RORA: variants seen among roughly 807,000 people sequenced by gnomAD.
RORA encodes the protein nuclear receptor ROR-alpha.
Under a neutral mutation model 69.5 loss-of-function variants are expected in RORA, and 7 were observed. The observed-to-expected ratio is 0.10, with a 90% confidence interval of 0.06 to 0.19. The LOEUF (loss-of-function observed/expected upper bound fraction) is 0.19. Ranked by LOEUF, RORA falls within the 10% of genes least tolerant of loss-of-function variation. RORA has a pLI of 1.00. For synonymous variants in RORA, 261 were observed against 240.8 expected, an observed-to-expected ratio of 1.08 and a Z score of -0.78; for missense variants, 457 against 663.0, an observed-to-expected ratio of 0.69 and a Z score of 3.41.
intron 1 of RORA, among the ~76,000 whole-genome samples, chr15:60,779,098 T>A (rs1567187849): frequency 6.6e-6 from 1 of 152,170 alleles, no homozygotes; most frequent in Non-Finnish European, 1.5e-5. Flanking sequence ...GTAGCGAGCA[T>A]AAATAACTCG....
At chr15:61,209,293 T>C (rs1250761025) in intron 1 of RORA, among the ~76,000 whole-genome samples, 1 of 151,590 alleles carries the variant, frequency 6.6e-6, no homozygotes. Context: ...ATTCACACAC[T>C]CTAATTTAAA....
At chr15:60,700,945 G>T (rs546496148) in intron 1 of RORA, among the ~76,000 whole-genome samples, 4 of 152,288 alleles carry the variant, frequency 2.6e-5, no homozygotes, top group African/African-American at 9.6e-5. Context: ...TGAAGGGATG[G>T]GTGGGGACAT....
chr15:60,595,890 G>A (rs752651259), intron 2 of RORA, among the ~76,000 whole-genome samples: 1 of 152,074 alleles, frequency 6.6e-6, no homozygotes, highest in Non-Finnish European at 1.5e-5. Context: ...ACAGCCCCAC[G>A]TGGTGTTCCT....
At chr15:60,825,274 A>G (rs1021166070) in intron 1 of RORA, among the ~76,000 whole-genome samples, 19 of 152,196 alleles carry the variant, frequency 1.2e-4, no homozygotes, top group Non-Finnish European at 2.1e-4. Context: ...AAGTACTTCT[A>G]TGTTCACACC....
intron 1 of RORA, among the ~76,000 whole-genome samples, chr15:60,892,873 C>T (rs1398776861): frequency 6.6e-6 from 1 of 152,222 alleles, no homozygotes; most frequent in East Asian, 1.9e-4. Flanking sequence ...GCATTACCAT[C>T]AACGTCACAT....
At chr15:60,562,307 C>G (rs2067586804) in intron 2 of RORA, among the ~76,000 whole-genome samples, 1 of 152,164 alleles carries the variant, frequency 6.6e-6, no homozygotes, top group African/African-American at 2.4e-5. Flanking sequence ...ACGATCATAG[C>G]TAACTGCAGC....
At chr15:60,668,749 A>G (rs1031058895) in intron 2 of RORA, among the ~76,000 whole-genome samples, 3 of 152,224 alleles carry the variant, frequency 2.0e-5, no homozygotes, top group Admixed American at 6.5e-5. Context: ...AATTAACTCA[A>G]TATGATTCAT....
chr15:61,024,105 G>A (rs532196974), intron 1 of RORA, among the ~76,000 whole-genome samples: 1 of 152,108 alleles, frequency 6.6e-6, no homozygotes, highest in South Asian at 2.1e-4. Flanking sequence ...ACAACACCAA[G>A]AGAGAGAGGT....
intron 1 of RORA, among the ~76,000 whole-genome samples, chr15:60,829,460 GT>G (rs1416382569): frequency 6.6e-6 from 1 of 152,142 alleles, no homozygotes; most frequent in East Asian, 1.9e-4. Flanking sequence ...CCAAAAAATA[GT>G]TGTCTGGCCA....
chr15:60,947,688 T>TTA (rs1555396692), intron 1 of RORA, among the ~76,000 whole-genome samples: 15 of 102,930 alleles, frequency 1.5e-4, no homozygotes, highest in South Asian at 3.6e-4. Flanking sequence ...GAATGATCAA[T>TTA]AAAAAAAAAA....
chr15:60,514,581 C>T lies in RORA; in HGVS notation c.424+35G>A, dbSNP rs766886673. 1.8e-5 allele frequency: 29 copies of T among 1,608,176 alleles called. 1 individual carries two copies. Among genetic ancestry groups the T allele is most frequent in the Middle Eastern group, 1.6e-4 (1 of 6,062 alleles). On this transcript the variant is annotated intron_variant, in intron 4 of 10. Transcript: ENST00000335670. Reference sequence around the variant, plus strand: ...GTTTCAGAAGGCACTTTCACAACCCCGTGCAACTGTACAACTCAAGCTGTG... The same window carrying T: ...GTTTCAGAAGGCACTTTCACAACCCTGTGCAACTGTACAACTCAAGCTGTG...
chr15:60,630,014 A>C (rs1449934183), intron 2 of RORA, among the ~76,000 whole-genome samples: 1 of 152,236 alleles, frequency 6.6e-6, no homozygotes, highest in Non-Finnish European at 1.5e-5. Context: ...TGAATGACAA[A>C]GATAAAATGG....
chr15:60,790,561 T>G (rs341446), intron 1 of RORA, among the ~76,000 whole-genome samples: 148 of 152,304 alleles, frequency 9.7e-4, no homozygotes, highest in African/African-American at 3.5e-3. Flanking sequence ...GAAGGCTGTA[T>G]ACATATTTTA....
intron 1 of RORA, among the ~76,000 whole-genome samples, chr15:61,018,870 C>T (rs1895402867): frequency 6.6e-6 from 1 of 152,132 alleles, no homozygotes. Context: ...ATTAAATGTG[C>T]ATATATCTGA....
intron 1 of RORA, among the ~76,000 whole-genome samples, chr15:60,746,911 C>T (rs1034023550): frequency 1.3e-5 from 2 of 152,138 alleles, no homozygotes; most frequent in African/African-American, 4.8e-5. Context: ...GGGGAAGAGT[C>T]GAATTCCATA....
chr15:60,837,493 G>C (rs1235037740), intron 1 of RORA, among the ~76,000 whole-genome samples: 2 of 152,168 alleles, frequency 1.3e-5, no homozygotes, highest in Non-Finnish European at 2.9e-5. Context: ...CGTCAATACA[G>C]GCTCAGGCTT....
intron 1 of RORA, among the ~76,000 whole-genome samples, chr15:61,125,002 A>C (rs2079131590): frequency 6.6e-6 from 1 of 152,200 alleles, no homozygotes; most frequent in Non-Finnish European, 1.5e-5. Context: ...CAAAAGAAAA[A>C]GTGTGTGTTT....
chr15:60,754,940 TC>T (rs2071775841), intron 1 of RORA, among the ~76,000 whole-genome samples: 2 of 151,484 alleles, frequency 1.3e-5, no homozygotes, highest in South Asian at 4.2e-4. Flanking sequence ...TCTCTTATTA[TC>T]CCCGTAAACT....
intron 2 of RORA, among the ~76,000 whole-genome samples, chr15:60,622,688 AAAGGATCAGC>A (rs960026723): frequency 1.3e-5 from 2 of 152,190 alleles, no homozygotes; most frequent in African/African-American, 4.8e-5. Flanking sequence ...ATCATTCTGA[AAAGGATCAGC>A]AATTTTAAAA....
Sources: gnomAD v4.1 joint callset for allele counts (sites outside exome capture counted in the v4.1 genomes callset) on GRCh38, gnomAD v4.1.1 for gene constraint, MANE v1.5 for transcripts, NCBI Gene and HGNC (gene_info 2026-07-23, HGNC 2026-07-21) for gene names.